ARHGAP35: variants seen among roughly 807,000 people sequenced by gnomAD.
The protein encoded by ARHGAP35 is Rho GTPase activating protein 35.
In ARHGAP35, 15 loss-of-function variants were observed where a neutral mutation model predicts 111.1. That is an observed-to-expected ratio of 0.13 (90% CI 0.09 to 0.21). The LOEUF (loss-of-function observed/expected upper bound fraction) is 0.21. Among genes scored for constraint, ARHGAP35 ranks in the 10% least tolerant of loss-of-function variants. The pLI is 1.00. For missense variants in ARHGAP35, 1,262 were observed against 1,873.0 expected, an observed-to-expected ratio of 0.67 and a Z score of 6.02; for synonymous variants, 643 against 710.3, an observed-to-expected ratio of 0.91 and a Z score of 1.51.
intron 1 of ARHGAP35, among the ~76,000 whole-genome samples, chr19:46,883,926 A>G (rs1208943858): frequency 1.4e-4 from 22 of 152,072 alleles, no homozygotes; most frequent in Admixed American, 1.4e-3. Context: ...ATGGTGGCGC[A>G]TACCTGTAAT....
chr19:46,942,540 G>A (rs1307313828), intron 3 of ARHGAP35, among the ~76,000 whole-genome samples: 3 of 152,090 alleles, frequency 2.0e-5, no homozygotes, highest in Non-Finnish European at 2.9e-5. Flanking sequence ...GGGAGGCTGA[G>A]GTGGGAGAAT....
chr19:46,979,642 G>A (rs536102049), intron 3 of ARHGAP35, among the ~76,000 whole-genome samples: 9 of 152,298 alleles, frequency 5.9e-5, no homozygotes, highest in South Asian at 2.1e-4. Context: ...GACCTGGTGC[G>A]ATGTTGCACC....
intron 3 of ARHGAP35, among the ~76,000 whole-genome samples, chr19:46,971,955 C>T (rs1184887056): frequency 1.3e-5 from 2 of 152,200 alleles, no homozygotes; most frequent in Admixed American, 6.5e-5. Context: ...TTTCCTAGAA[C>T]TGCTGTCCAA....
At chr19:46,910,698 T>A (rs2122181071) in intron 1 of ARHGAP35, among the ~76,000 whole-genome samples, 1 of 152,204 alleles carries the variant, frequency 6.6e-6, no homozygotes, top group Non-Finnish European at 1.5e-5. Context: ...CAAGTGATCC[T>A]CCCACTTCAG....
At chr19:46,874,960 C>T (rs1401747622) in intron 1 of ARHGAP35, among the ~76,000 whole-genome samples, 1 of 149,102 alleles carries the variant, frequency 6.7e-6, no homozygotes, top group African/African-American at 2.5e-5. Context: ...TACAGGCGCC[C>T]ACCACCACAC....
chr19:46,878,409 C>T (rs772073955), intron 1 of ARHGAP35, among the ~76,000 whole-genome samples: 13 of 152,096 alleles, frequency 8.5e-5, no homozygotes, highest in Non-Finnish European at 1.5e-4. Context: ...CAACGTCTCT[C>T]GGGTTCAAGC....
At chr19:46,946,008 G>T (rs1055135508) in intron 3 of ARHGAP35, among the ~76,000 whole-genome samples, 1 of 152,188 alleles carries the variant, frequency 6.6e-6, no homozygotes, top group African/African-American at 2.4e-5. Flanking sequence ...GGGGCAGAAG[G>T]CACCCATCTT....
chr19:46,968,136 C>T (rs2122286310), intron 3 of ARHGAP35, among the ~76,000 whole-genome samples: 1 of 152,298 alleles, frequency 6.6e-6, no homozygotes, highest in South Asian at 2.1e-4. Flanking sequence ...CCAGAGACCT[C>T]TCCCCTCAAA....
chr19:46,980,046 G>A (rs549593718), intron 3 of ARHGAP35, among the ~76,000 whole-genome samples: 26 of 152,226 alleles, frequency 1.7e-4, no homozygotes, highest in African/African-American at 6.0e-4. Context: ...AGAGGAGGCC[G>A]TCGTTCTTCT....
At chr19:46,913,685 ACTTT>A (rs933359818) in intron 1 of ARHGAP35, among the ~76,000 whole-genome samples, 2 of 152,304 alleles carry the variant, frequency 1.3e-5, no homozygotes, top group East Asian at 3.9e-4. Context: ...AAAATGGGAA[ACTTT>A]GAAGTCCTGT....
chr19:46,983,181 T>C (rs1279244341), intron 3 of ARHGAP35, among the ~76,000 whole-genome samples: 1 of 151,552 alleles, frequency 6.6e-6, no homozygotes, highest in Non-Finnish European at 1.5e-5. Context: ...CTCTGCTGCA[T>C]GCTCACTCTT....
chr19:46,941,876 T>TTA (rs375006467), intron 3 of ARHGAP35, among the ~76,000 whole-genome samples: 2 of 94,554 alleles, frequency 2.1e-5, no homozygotes, highest in African/African-American at 4.3e-5. Context: ...CCTGTCTCTT[T>TTA]AAAAAAAAAA....
At chr19:46,865,003 A>G (rs1370533453) in intron 1 of ARHGAP35, among the ~76,000 whole-genome samples, 1 of 152,246 alleles carries the variant, frequency 6.6e-6, no homozygotes, top group Non-Finnish European at 1.5e-5. Context: ...CATAATAGGG[A>G]GAGAGGACAC....
intron 1 of ARHGAP35, among the ~76,000 whole-genome samples, chr19:46,865,480 GAGA>G (rs879556022): frequency 7.1e-4 from 108 of 152,286 alleles, no homozygotes; most frequent in African/African-American, 2.5e-3. Context: ...TGATCCAGAA[GAGA>G]AGAAGTTGAA....
chr19:46,867,811 G>C (rs948442719), intron 1 of ARHGAP35, among the ~76,000 whole-genome samples: 5 of 151,654 alleles, frequency 3.3e-5, no homozygotes, highest in African/African-American at 9.7e-5. Flanking sequence ...CAACTGTAAT[G>C]GCCATTTGCA....
intron 2 of ARHGAP35, among the ~76,000 whole-genome samples, chr19:46,929,715 AC>A (rs1400218522): frequency 2.0e-5 from 3 of 149,266 alleles, no homozygotes; most frequent in East Asian, 4.0e-4. Context: ...GGAGTTCAAG[AC>A]CAGCCTGACA....
At chr19:46,975,204 T>C (rs1396848101) in intron 3 of ARHGAP35, among the ~76,000 whole-genome samples, 3 of 152,162 alleles carry the variant, frequency 2.0e-5, no homozygotes, top group East Asian at 3.9e-4. Flanking sequence ...AAAAGATACT[T>C]CTATCACTCA....
At chr19:46,934,559 G>T (rs368082827) in intron 2 of ARHGAP35, among the ~76,000 whole-genome samples, 2 of 152,242 alleles carry the variant, frequency 1.3e-5, no homozygotes, top group African/African-American at 4.8e-5. Flanking sequence ...TAGAGACAGG[G>T]TTTCACTATG....
At chr19:46,893,531 G>T (rs2056036887) in intron 1 of ARHGAP35, among the ~76,000 whole-genome samples, 1 of 151,472 alleles carries the variant, frequency 6.6e-6, no homozygotes, top group African/African-American at 2.4e-5. Context: ...CTTCTGCTTG[G>T]GATTGTTTTG....
Sources: gnomAD v4.1 joint callset for allele counts (sites outside exome capture counted in the v4.1 genomes callset) on GRCh38, gnomAD v4.1.1 for gene constraint, MANE v1.5 for transcripts, NCBI Gene and HGNC (gene_info 2026-07-23, HGNC 2026-07-21) for gene names.